Variants in SPAST observed in about 807,000 individuals in gnomAD.
SPAST encodes the protein spastin.
Under a neutral mutation model 76.6 loss-of-function variants are expected in SPAST, and 30 were observed. The observed-to-expected ratio is 0.39, with a 90% CI of 0.29 to 0.53. The LOEUF (loss-of-function observed/expected upper bound fraction) is 0.53, where lower values mean the gene tolerates loss of function less well. Among genes scored for constraint, SPAST ranks in the 20% least tolerant of loss-of-function variants. SPAST has a pLI of 0.68. For synonymous variants in SPAST, 305 were observed against 281.0 expected, an observed-to-expected ratio of 1.09 and a Z score of -0.86; for missense variants, 717 against 770.5, an observed-to-expected ratio of 0.93 and a Z score of 0.82.
At chr2:32,068,304 C>G (rs558353697) in intron 1 of SPAST, among the ~76,000 whole-genome samples, 1 of 147,446 alleles carries the variant, frequency 6.8e-6, no homozygotes, top group South Asian at 2.2e-4. Flanking sequence ...ATGTGGACAT[C>G]AGAATGGGCT....
rs550419450 is a variant in SPAST, at chr2:32,136,838, TG to T, written c.1322-37del. ...TTAATCTCAGATGACTCACATAGCT[TG>T]GTCTTTAATTAAAGTCTTATACTTG... On this transcript the variant is annotated intron_variant, in intron 10 of 16. Coordinates refer to ENST00000315285, the MANE Select transcript of SPAST (RefSeq NM_014946.4). 7,604 of 1,498,592 alleles carry T rather than the reference TG, an allele frequency of 5.1e-3. 27 individuals are homozygous for T. The highest frequency in any genetic ancestry group is 6.2e-3 in the Non-Finnish European group (6,648 of 1,076,398). 92.8% of individuals were successfully genotyped at this position (1,498,592 alleles called of 1,614,324 possible).
chr2:32,142,495 A>G (rs575495247), intron 13 of SPAST, among the ~76,000 whole-genome samples: 3 of 152,158 alleles, frequency 2.0e-5, no homozygotes, highest in East Asian at 1.9e-4. Flanking sequence ...GCTCACTGCA[A>G]CCTTCACCTC....
At chr2:32,072,518 C>T (rs553129415) in intron 1 of SPAST, among the ~76,000 whole-genome samples, 28 of 152,136 alleles carry the variant, frequency 1.8e-4, no homozygotes, top group South Asian at 4.1e-4. Flanking sequence ...TCATGTCCAA[C>T]CCCCACTTCT....
rs1573188348 is a variant in SPAST, at chr2:32,155,551, T to C, written c.*1055T>C. 1.3e-5 allele frequency: 2 copies of C among 152,506 alleles called. 1 individual carries two copies. Among genetic ancestry groups the C allele is most frequent in the South Asian group, 4.1e-4 (2 of 4,832 alleles). The allele number at this position is 152,506 out of a possible 1,614,324, so 9.4% of individuals were successfully genotyped here. A position where few individuals can be genotyped will look rare whatever the true frequency, so the allele number is the denominator to read the frequency against. ...AAACTTTAAAAAAACTGAATTTTTA[T>C]ACATGGCATACATTTTTCTAGTTCC... is the stretch of plus-strand genomic sequence containing the variant. On this transcript the variant is annotated 3_prime_UTR_variant, in exon 17 of 17. Transcript: ENST00000315285.
At chr2:32,089,871 C>G (rs965599670) in intron 3 of SPAST, among the ~76,000 whole-genome samples, 5 of 152,092 alleles carry the variant, frequency 3.3e-5, no homozygotes, top group South Asian at 2.1e-4. Flanking sequence ...TCACGCCATT[C>G]TCCTGCCTCA....
At chr2:32,144,648 G>A (rs768408174) in intron 14 of SPAST, among the ~76,000 whole-genome samples, 1 of 152,208 alleles carries the variant, frequency 6.6e-6, no homozygotes, top group Non-Finnish European at 1.5e-5. Context: ...TACTTTGGGA[G>A]GCTGTGGCGG....
In SPAST at chr2:32,107,315, C is replaced by G. The variant is rs1331604701; in HGVS notation, c.683-7323C>G. ...TGGCGCAATCTTGGCTCACTGCAACCTCCGCAGCCTCCCCTAACCCCATCC... is the reference window on the plus strand; with the variant it reads ...TGGCGCAATCTTGGCTCACTGCAACGTCCGCAGCCTCCCCTAACCCCATCC... On this transcript the variant is annotated intron_variant, in intron 4 of 16. Transcript: ENST00000315285. Among the ~76,000 whole-genome samples the G allele has an allele frequency of 2.0e-5, 3 of 152,068 alleles. No individual in the cohort carries two copies. In the East Asian group the frequency reaches 5.8e-4, roughly 29 times the overall value.
intron 1 of SPAST, among the ~76,000 whole-genome samples, chr2:32,076,562 G>A (rs467523): frequency 0.56 from 85,071 of 151,782 alleles, 24,224 homozygotes; most frequent in African/African-American, 0.65. Flanking sequence ...TTTCTCTAAT[G>A]GTGAACTATG....
chr2:32,092,971 C>T lies in SPAST; in HGVS notation c.586+3366C>T, dbSNP rs112096593. Among the ~76,000 whole-genome samples the T allele has an allele frequency of 5.4e-3, 784 of 145,204 alleles. 11 individuals carry two copies. The highest frequency in any genetic ancestry group is 0.018 in the African/African-American group (691 of 39,458). On this transcript the variant is annotated intron_variant, in intron 3 of 16. Coordinates refer to ENST00000315285, the MANE Select transcript of SPAST (RefSeq NM_014946.4). ...GCATTGAGCCAAGATGGCACCACTGCACTCCAGACTGGGTGACAGAGAGAG... is the reference window on the plus strand; with the variant it reads ...GCATTGAGCCAAGATGGCACCACTGTACTCCAGACTGGGTGACAGAGAGAG...
chr2:32,147,075 A>T, intron 15 of SPAST, 143 bp from the exon 16 acceptor site: 1 of 624,608 alleles, frequency 1.6e-6, no homozygotes, highest in East Asian at 2.8e-5. Context: ...ATTTGCTCTC[A>T]AAGTTAACAT....
chr2:32,108,754 A>G (rs1233183651), intron 4 of SPAST, among the ~76,000 whole-genome samples: 1 of 123,224 alleles, frequency 8.1e-6, no homozygotes, highest in Admixed American at 8.7e-5. Context: ...CCTGGCTGGT[A>G]TAGCTTTTTT....
intron 7 of SPAST, among the ~76,000 whole-genome samples, chr2:32,118,123 T>G (rs1401076125): frequency 6.6e-6 from 1 of 152,230 alleles, no homozygotes; most frequent in Non-Finnish European, 1.5e-5. Context: ...CATTAAAATC[T>G]TACGGACCTA....
rs538115591 is a variant in SPAST, at chr2:32,143,091, C to T, written c.1537-245C>T. On this transcript the variant is annotated intron_variant, in intron 13 of 16. Transcript: ENST00000315285. ...ACCAGCCTGGGCAACATAGGGAGAC[C>T]CTGTCTCTACAAAAACTTTTTTAGA... is the stretch of plus-strand genomic sequence containing the variant. Among the ~76,000 whole-genome samples, 10 of 151,900 alleles carry T rather than the reference C, an allele frequency of 6.6e-5. No individual in the cohort carries two copies. In the East Asian group the frequency reaches 1.7e-3, roughly 26 times the overall value.
At chr2:32,094,157 T>C (rs1677833839) in intron 3 of SPAST, among the ~76,000 whole-genome samples, 1 of 152,232 alleles carries the variant, frequency 6.6e-6, no homozygotes, top group South Asian at 2.1e-4. Context: ...ATTTTTATTG[T>C]CTTAGGTATA....
At chr2:32,093,400 C>T (rs1478488444) in intron 3 of SPAST, among the ~76,000 whole-genome samples, 2 of 151,546 alleles carry the variant, frequency 1.3e-5, no homozygotes, top group Non-Finnish European at 2.9e-5. Flanking sequence ...GAGAATTGCT[C>T]GAGCCTGGGA....
intron 3 of SPAST, among the ~76,000 whole-genome samples, chr2:32,095,644 C>T (rs1677888197): frequency 6.6e-6 from 1 of 151,572 alleles, no homozygotes; most frequent in Non-Finnish European, 1.5e-5. Flanking sequence ...GAGGCTGAGG[C>T]AGGAGGATTG....
rs1320763237 is a variant in SPAST at position 32,115,742 on chromosome 2, C to G, written c.911C>G (p.Pro304Arg). 2 of 1,611,204 alleles carry G rather than the reference C, an allele frequency of 1.2e-6. No individual in the cohort carries two copies. The highest frequency in any genetic ancestry group is 1.7e-6 in the Non-Finnish European group (2 of 1,177,740). The stretch of plus-strand genomic sequence containing the variant: ...AATAGGACAAATAAACCTTCTACCC[C>G]TACAACTGCTACTCGTAAGAAAAAA... ...KTNRTNKPST[P>R]TTATRKKKDL... The change falls in exon 6 of 17, where the codon CCT (proline) becomes CGT (arginine). Residue 304 changes from proline (P) to arginine (R), a missense_variant. Physicochemically the swap from Pro to Arg is moderately radical, Grantham distance 103. Transcript: ENST00000315285.
At chr2:32,148,283 AC>A (rs1159555492) in intron 16 of SPAST, among the ~76,000 whole-genome samples, 5 of 152,088 alleles carry the variant, frequency 3.3e-5, no homozygotes, top group African/African-American at 1.2e-4. Context: ...AAATATGGAA[AC>A]CTATGAAATA....
At chr2:32,099,617 A>C (rs1678045274) in intron 4 of SPAST, among the ~76,000 whole-genome samples, 1 of 152,168 alleles carries the variant, frequency 6.6e-6, no homozygotes, top group South Asian at 2.1e-4. Flanking sequence ...GATTAGATCA[A>C]GGTAATTATC....
Sources: gnomAD v4.1 joint callset for allele counts (sites outside exome capture counted in the v4.1 genomes callset) on GRCh38, gnomAD v4.1.1 for gene constraint, MANE v1.5 for transcripts, NCBI Gene and HGNC (gene_info 2026-07-23, HGNC 2026-07-21) for gene names.